The following SGCD variants were observed in gnomAD, a reference collection of about 807,000 sequenced individuals.
SGCD encodes the protein sarcoglycan delta, also known as delta-sarcoglycan.
A neutral mutation model predicts 36.6 loss-of-function variants in SGCD; 18 were observed. That is an observed-to-expected ratio of 0.49 (90% CI 0.34 to 0.73). The LOEUF is 0.73. SGCD is among the 30% of genes least tolerant of loss of function. The pLI is 0.01. For synonymous variants in SGCD, 133 were observed against 130.6 expected (o/e 1.02, Z -0.12); for missense variants, 387 against 346.7 (o/e 1.12, Z -0.92).
chr5:155,929,700 C>A (rs906016909), intron 1 of SGCD, among the ~76,000 whole-genome samples: 1 of 152,194 alleles, frequency 6.6e-6, no homozygotes, highest in Non-Finnish European at 1.5e-5. Flanking sequence ...ATGGCACAGA[C>A]TTCAAAGATC....
At chr5:156,449,637 G>T (rs1393410208) in intron 3 of SGCD, among the ~76,000 whole-genome samples, 1 of 135,244 alleles carries the variant, frequency 7.4e-6, no homozygotes, top group Non-Finnish European at 1.5e-5. Context: ...TTCAAGACCA[G>T]CCTGGCCAAC....
chr5:156,078,307 A>T (rs1368421937), intron 1 of SGCD, among the ~76,000 whole-genome samples: 2 of 151,688 alleles, frequency 1.3e-5, no homozygotes, highest in Admixed American at 1.3e-4. Flanking sequence ...TGAGGTCAGA[A>T]GTTTGAGACA....
At chr5:155,825,268 A>G in the SGCD span, among the ~76,000 whole-genome samples, 2 of 152,356 alleles carry the variant, frequency 1.3e-5, no homozygotes, top group South Asian at 4.1e-4. Context: ...TAGAGAACAT[A>G]CAAACTTCAT....
rs551198306 is a variant in SGCD, at chr5:156,070,896, T to C, written c.-281-46982T>C. On this transcript the variant is annotated intron_variant, in intron 1 of 9. Transcript: ENST00000517913. Reference sequence around the variant, plus strand: ...TGATGAGGAATTTATCCATTTCTTCTAGATTTTCTAGTTTATTTGCATAGA... The same window carrying C: ...TGATGAGGAATTTATCCATTTCTTCCAGATTTTCTAGTTTATTTGCATAGA... Among the ~76,000 whole-genome samples the C allele has an allele frequency of 2.0e-5, 3 of 152,362 alleles. No individual in the cohort carries two copies. The East Asian group carries it at 5.8e-4, about 29-fold the overall frequency.
At chr5:156,581,159 C>A (rs544778206) in intron 4 of SGCD, among the ~76,000 whole-genome samples, 1 of 152,344 alleles carries the variant, frequency 6.6e-6, no homozygotes, top group East Asian at 1.9e-4. Flanking sequence ...TCACGTCCCT[C>A]AGCTGCAGGT....
At chr5:156,156,178 C>T (rs1433159482) in intron 3 of SGCD, among the ~76,000 whole-genome samples, 1 of 151,588 alleles carries the variant, frequency 6.6e-6, no homozygotes, top group East Asian at 1.9e-4. Flanking sequence ...TGTAATGCGA[C>T]CCCTTCATAT....
chr5:155,754,365 G>A, the SGCD span, among the ~76,000 whole-genome samples: 2 of 152,220 alleles, frequency 1.3e-5, no homozygotes, highest in Non-Finnish European at 2.9e-5. Context: ...CAGACAGTGA[G>A]CAGGCAGGCC....
intron 1 of SGCD, among the ~76,000 whole-genome samples, chr5:156,021,201 G>T (rs561084842): frequency 6.6e-6 from 1 of 152,116 alleles, no homozygotes; most frequent in Non-Finnish European, 1.5e-5. Flanking sequence ...GAAAAAAACA[G>T]GGAGAAAAGG....
the SGCD span, among the ~76,000 whole-genome samples, chr5:155,805,272 T>C: frequency 6.6e-6 from 1 of 152,260 alleles, no homozygotes; most frequent in African/African-American, 2.4e-5. Flanking sequence ...GTTATAAGCA[T>C]GGTTTGAAAT....
chr5:156,286,609 G>T (rs961096499), intron 3 of SGCD, among the ~76,000 whole-genome samples: 1 of 152,104 alleles, frequency 6.6e-6, no homozygotes, highest in Non-Finnish European at 1.5e-5. Context: ...TCACTCATAG[G>T]TGGGAATTGA....
At chr5:155,841,149 G>A in the SGCD span, among the ~76,000 whole-genome samples, 11 of 152,010 alleles carry the variant, frequency 7.2e-5, no homozygotes, top group East Asian at 5.8e-4. Context: ...CCCTCTGAAG[G>A]GTCACTGAAA....
the SGCD span, among the ~76,000 whole-genome samples, chr5:155,861,668 A>C: frequency 6.6e-6 from 1 of 152,162 alleles, no homozygotes; most frequent in Non-Finnish European, 1.5e-5. Context: ...CAGTGAGCCA[A>C]GATTGTGCCA....
At chr5:155,755,710 A>T in the SGCD span, among the ~76,000 whole-genome samples, 1 of 152,122 alleles carries the variant, frequency 6.6e-6, no homozygotes, top group South Asian at 2.1e-4. Context: ...TAACCCTGAC[A>T]ATATTTCTGA....
intron 1 of SGCD, among the ~76,000 whole-genome samples, chr5:156,046,097 C>T (rs1244763883): frequency 6.6e-6 from 1 of 152,056 alleles, no homozygotes; most frequent in East Asian, 1.9e-4. Flanking sequence ...AGACAGTAAT[C>T]CTTGCTGCTA....
At chr5:155,898,438 T>C (rs1306501295) in intron 1 of SGCD, among the ~76,000 whole-genome samples, 1 of 152,194 alleles carries the variant, frequency 6.6e-6, no homozygotes, top group Non-Finnish European at 1.5e-5. Flanking sequence ...GTCTTTTAGA[T>C]GAGGCACATA....
At chr5:155,828,542 G>A in the SGCD span, among the ~76,000 whole-genome samples, 1 of 152,256 alleles carries the variant, frequency 6.6e-6, no homozygotes, top group East Asian at 1.9e-4. Flanking sequence ...ATGTGTGTAG[G>A]AAGTGATTTG....
intron 1 of SGCD, among the ~76,000 whole-genome samples, chr5:155,886,564 A>G (rs1268059238): frequency 2.0e-5 from 3 of 152,142 alleles, no homozygotes; most frequent in Non-Finnish European, 2.9e-5. Context: ...GCAGCCTCAG[A>G]AAGGGTAAGT....
intron 1 of SGCD, among the ~76,000 whole-genome samples, chr5:156,071,427 G>A (rs1374790073): frequency 6.6e-6 from 1 of 152,202 alleles, no homozygotes; most frequent in Admixed American, 6.5e-5. Flanking sequence ...CAGTTTCCAT[G>A]TAGTTGAGCG....
chr5:156,532,741 G>A (rs918030380), intron 4 of SGCD, among the ~76,000 whole-genome samples: 22 of 152,146 alleles, frequency 1.4e-4, no homozygotes, highest in South Asian at 4.1e-4. Flanking sequence ...GATTATAGGC[G>A]TGAGCCACCA....
Sources: allele counts gnomAD v4.1 joint callset (sites outside exome capture counted in the v4.1 genomes callset), GRCh38; gene constraint gnomAD v4.1.1; transcripts MANE v1.5; gene names NCBI Gene and HGNC (gene_info 2026-07-23, HGNC 2026-07-21).